The following ATXN10 variants were observed in gnomAD, a reference collection of about 807,000 sequenced individuals.
ATXN10 encodes the protein ataxin-10.
A neutral mutation model predicts 52.9 loss-of-function variants in ATXN10; 28 were observed. The ratio of observed to expected loss-of-function variants is 0.53; its 90% confidence interval spans 0.39 to 0.73. The LOEUF (loss-of-function observed/expected upper bound fraction) is 0.73, where lower values mean the gene tolerates loss of function less well. ATXN10 is among the 30% of genes least tolerant of loss of function. The pLI, the probability that ATXN10 is intolerant of heterozygous loss-of-function variation, is 0.00. For missense variants in ATXN10, 565 were observed against 577.0 expected (o/e 0.98, Z 0.21); for synonymous variants, 226 against 221.5 (o/e 1.02, Z -0.18).
At position 45,690,383 on chromosome 22, in the gene ATXN10, T is replaced by C. The variant is rs975474041; in HGVS notation, c.308+480T>C. On this transcript the variant is annotated intron_variant, in intron 2 of 11. Coordinates refer to ENST00000252934, the MANE Select transcript of ATXN10 (RefSeq NM_013236.4). The surrounding 1 kb of genome is among the most constrained non-coding windows in gnomAD (Gnocchi z 4.5). Reference sequence around the variant, plus strand: ...GAGAGGCCCTCTACAGGCCTTGCCATTGGAGTCTCTCTGACTAGTGTATAA... The same window carrying C: ...GAGAGGCCCTCTACAGGCCTTGCCACTGGAGTCTCTCTGACTAGTGTATAA... Among the ~76,000 whole-genome samples, 2 of 152,118 alleles carry C rather than the reference T, an allele frequency of 1.3e-5. No homozygotes were observed. The highest frequency in any genetic ancestry group is 2.9e-5 in the Non-Finnish European group (2 of 68,022).
In ATXN10 at chr22:45,774,572, A is replaced by G. The variant is rs550020267; in HGVS notation, c.1174-32387A>G. Among the ~76,000 whole-genome samples the G allele has an allele frequency of 5.0e-4, 76 of 152,270 alleles. No individual in the cohort carries two copies. The highest frequency in any genetic ancestry group is 8.8e-4 in the Non-Finnish European group (60 of 68,042). ...CCAGTGTTGTACAGCAAAGGATCCC[A>G]ACTCTAGGAAATCTTCCATGTCAGG... On this transcript the variant is annotated intron_variant, in intron 9 of 11. Coordinates refer to ENST00000252934, the MANE Select transcript of ATXN10 (RefSeq NM_013236.4). The surrounding 1 kb of genome is among the most constrained non-coding windows in gnomAD (Gnocchi z 6.2).
chr22:45,830,452 ATTAT>A (rs1413752083), intron 10 of ATXN10, among the ~76,000 whole-genome samples: 5 of 152,354 alleles, frequency 3.3e-5, no homozygotes, highest in Admixed American at 6.5e-5. Flanking sequence ...ATATTTGCAA[ATTAT>A]TTATTTGATA....
rs1207949042 is a variant in ATXN10, at chr22:45,775,986, A to G, written c.1174-30973A>G. Among the ~76,000 whole-genome samples the G allele has an allele frequency of 6.6e-6, 1 of 152,118 alleles. No homozygotes were observed. The highest frequency in any genetic ancestry group is 1.5e-5 in the Non-Finnish European group (1 of 68,018). On this transcript the variant is annotated intron_variant, in intron 9 of 11. Transcript: ENST00000252934. The surrounding 1 kb of genome is among the most constrained non-coding windows in gnomAD (Gnocchi z 4.7). Reference sequence around the variant, plus strand: ...AGCCCATTGGTTCCGTCCTTGACCCACACTTGACCTGTCTGCTGGAGGGGG... The same window carrying G: ...AGCCCATTGGTTCCGTCCTTGACCCGCACTTGACCTGTCTGCTGGAGGGGG...
chr22:45,790,397 C>T lies in ATXN10; in HGVS notation c.1174-16562C>T, dbSNP rs1927466818. Among the ~76,000 whole-genome samples, 1 of 152,154 alleles carries T rather than the reference C, an allele frequency of 6.6e-6. No homozygotes were observed. The highest frequency in any genetic ancestry group is 2.4e-5 in the African/African-American group (1 of 41,430). On this transcript the variant is annotated intron_variant, in intron 9 of 11. Transcript: ENST00000252934. The surrounding 1 kb of genome is among the most constrained non-coding windows in gnomAD (Gnocchi z 4.7). ...TTGCCCCCCCGCCGCCCCACACATA[C>T]ACCAGAGTTAGAAAACAAGCCAATT... is the stretch of plus-strand genomic sequence containing the variant.
rs1435038961 is a variant in ATXN10, at chr22:45,783,133, C to T, written c.1174-23826C>T. Among the ~76,000 whole-genome samples the T allele has an allele frequency of 6.6e-6, 1 of 152,148 alleles. No individual in the cohort carries two copies. The highest frequency in any genetic ancestry group is 1.5e-5 in the Non-Finnish European group (1 of 68,040). On this transcript the variant is annotated intron_variant, in intron 9 of 11. Transcript: ENST00000252934. The surrounding 1 kb of genome is among the most constrained non-coding windows in gnomAD (Gnocchi z 5.0). ...TTTGGCATATTCAAATTGGCAGCAT[C>T]ACTACTCTTGTACTTTGAGGTCATT...
intron 9 of ATXN10, among the ~76,000 whole-genome samples, chr22:45,746,707 T>C (rs1925741419): frequency 6.6e-6 from 1 of 152,142 alleles, no homozygotes; most frequent in African/African-American, 2.4e-5. Context: ...CCTTCAGAAC[T>C]CAAGGTCACA....
At chr22:45,800,444 A>G (rs1171138006) in intron 9 of ATXN10, among the ~76,000 whole-genome samples, 1 of 152,242 alleles carries the variant, frequency 6.6e-6, no homozygotes, top group Non-Finnish European at 1.5e-5. Context: ...ACGGCTGACA[A>G]CATATCAAGT....
intron 1 of ATXN10, among the ~76,000 whole-genome samples, chr22:45,682,218 C>G (rs928714486): frequency 6.6e-6 from 1 of 152,210 alleles, no homozygotes; most frequent in Non-Finnish European, 1.5e-5. Flanking sequence ...CAGACCTCTT[C>G]TCTTTTCTGC....
rs1463535685 is a variant in ATXN10 at position 45,833,957 on chromosome 22, CCT to C, written c.1238-9031_1238-9030del. Among the ~76,000 whole-genome samples, 1 of 152,166 alleles carries C rather than the reference CCT, an allele frequency of 6.6e-6. No individual in the cohort carries two copies. The highest frequency in any genetic ancestry group is 6.5e-5 in the Admixed American group (1 of 15,290). The stretch of plus-strand genomic sequence containing the variant: ...AGTTGCGGGACCTTGGCCATGTTCG[CCT>C]CTGTGTCTAAGTTTTCTCATCAGTA... On this transcript the variant is annotated intron_variant, in intron 10 of 11. Coordinates refer to ENST00000252934, the MANE Select transcript of ATXN10 (RefSeq NM_013236.4). This position sits in a 1 kb window ranked among gnomAD's most constrained non-coding sequence, Gnocchi z 4.3.
At position 45,715,799 on chromosome 22, in the gene ATXN10, G is replaced by A. The variant is rs1924423255; in HGVS notation, c.648-2614G>A. On this transcript the variant is annotated intron_variant, in intron 5 of 11. Transcript: ENST00000252934. This position sits in a 1 kb window ranked among gnomAD's most constrained non-coding sequence, Gnocchi z 4.4. ...TAGGCTGGCCTGTACAAAAGTTTCA[G>A]TAAATGTGTAAGGGATTGAAATCAT... 6.6e-6 allele frequency among the ~76,000 whole-genome samples: 1 copy of A among 152,162 alleles called. No homozygotes were observed.
chr22:45,699,832 T>C (rs1923770767), intron 3 of ATXN10, among the ~76,000 whole-genome samples: 1 of 151,182 alleles, frequency 6.6e-6, no homozygotes, highest in Non-Finnish European at 1.5e-5. Context: ...TATATTGTTT[T>C]GGTAAGGCAT....
In ATXN10 at chr22:45,786,333, A is replaced by G. The variant is rs58110316; in HGVS notation, c.1174-20626A>G. Among the ~76,000 whole-genome samples the G allele has an allele frequency of 0.015, 2,241 of 152,296 alleles. 49 individuals carry two copies. The highest frequency in any genetic ancestry group is 0.051 in the African/African-American group (2,125 of 41,528). ...CTATTGAGTTTTGCCATAGAACTGT[A>G]GTATCATTCTCTCTGGATTCCTTTC... On this transcript the variant is annotated intron_variant, in intron 9 of 11. Coordinates refer to ENST00000252934, the MANE Select transcript of ATXN10 (RefSeq NM_013236.4). The surrounding 1 kb of genome is among the most constrained non-coding windows in gnomAD (Gnocchi z 4.1).
intron 10 of ATXN10, among the ~76,000 whole-genome samples, chr22:45,831,612 AAT>A (rs1419138528): frequency 6.6e-6 from 1 of 152,330 alleles, no homozygotes; most frequent in East Asian, 1.9e-4. Flanking sequence ...CCTATGAAAC[AAT>A]ATTTTTATCT....
intron 9 of ATXN10, among the ~76,000 whole-genome samples, chr22:45,804,968 G>A (rs1928051467): frequency 6.6e-6 from 1 of 152,110 alleles, no homozygotes; most frequent in Admixed American, 6.5e-5. Context: ...TACATCTCCT[G>A]GCGATCCTCC....
intron 9 of ATXN10, among the ~76,000 whole-genome samples, chr22:45,741,864 G>A (rs1369164931): frequency 1.3e-5 from 2 of 152,160 alleles, no homozygotes; most frequent in East Asian, 3.9e-4. Context: ...CTTGGAAGAA[G>A]GGAATGACAC....
rs1327899728 is a variant in ATXN10, at chr22:45,744,559, T to C, written c.1173+4021T>C. 6.6e-6 allele frequency: 1 copy of C among 152,174 alleles called. No homozygotes were observed. Among genetic ancestry groups the C allele is most frequent in the African/African-American group, 2.4e-5 (1 of 41,438 alleles). 9.4% of individuals were successfully genotyped at this position (152,174 alleles called of 1,614,324 possible). ...TCAGCTAGCACTTGCTGAGTGAGAA[T>C]TGCCGTGTGCTGCATGCTCTGGAGA... is the stretch of plus-strand genomic sequence containing the variant. On this transcript the variant is annotated intron_variant, in intron 9 of 11. Coordinates refer to ENST00000252934, the MANE Select transcript of ATXN10 (RefSeq NM_013236.4). The surrounding 1 kb of genome is among the most constrained non-coding windows in gnomAD (Gnocchi z 4.9).
At chr22:45,817,855 C>T (rs1047823302) in intron 10 of ATXN10, among the ~76,000 whole-genome samples, 6 of 152,046 alleles carry the variant, frequency 3.9e-5, no homozygotes, top group African/African-American at 1.4e-4. Flanking sequence ...AGCAGCCCAC[C>T]GCCACCAACT....
chr22:45,833,539 C>T lies in ATXN10; in HGVS notation c.1238-9452C>T, dbSNP rs901690887. 2.0e-5 allele frequency among the ~76,000 whole-genome samples: 3 copies of T among 152,170 alleles called. No homozygotes were observed. Among genetic ancestry groups the T allele is most frequent in the South Asian group, 4.1e-4 (2 of 4,826 alleles). On this transcript the variant is annotated intron_variant, in intron 10 of 11. Coordinates refer to ENST00000252934, the MANE Select transcript of ATXN10 (RefSeq NM_013236.4). The surrounding 1 kb of genome is among the most constrained non-coding windows in gnomAD (Gnocchi z 4.3). The stretch of plus-strand genomic sequence containing the variant: ...ATTTTGAAATATCAACAGTGCTAGA[C>T]GAACACTAATGTCTTATAACTTAGG...
At chr22:45,752,342 A>G (rs1318890410) in intron 9 of ATXN10, among the ~76,000 whole-genome samples, 1 of 152,218 alleles carries the variant, frequency 6.6e-6, no homozygotes, top group Non-Finnish European at 1.5e-5. Context: ...GTGGTGTGTG[A>G]CAGGATTGAG....
Sources: allele counts gnomAD v4.1 joint callset (sites outside exome capture counted in the v4.1 genomes callset), GRCh38; gene constraint gnomAD v4.1.1; non-coding constraint Gnocchi (gnomAD v3.1); transcripts MANE v1.5; gene names NCBI Gene and HGNC (gene_info 2026-07-23, HGNC 2026-07-21).